The following SLC25A33 variants were observed in gnomAD, a reference collection of about 807,000 sequenced individuals.
SLC25A33 encodes the protein solute carrier family 25 member 33.
A neutral mutation model predicts 35.5 loss-of-function variants in SLC25A33; 15 were observed. That is an observed-to-expected ratio of 0.42 (90% CI 0.28 to 0.65). SLC25A33 has a LOEUF of 0.65. SLC25A33 is among the 30% of genes least tolerant of loss of function. The probability of loss-of-function intolerance (pLI) is 0.20; values close to 1 mark genes in which losing one functional copy is unlikely to be tolerated. For missense variants in SLC25A33, 257 were observed against 398.5 expected (o/e 0.64, Z 3.02); for synonymous variants, 136 against 148.7 (o/e 0.91, Z 0.62).
chr1:9,550,210 C>T (rs1643246948), intron 1 of SLC25A33, among the ~76,000 whole-genome samples: 1 of 141,368 alleles, frequency 7.1e-6, no homozygotes, highest in South Asian at 2.3e-4. Context: ...GCCTGGGTAA[C>T]AGAGGAAGAC....
At chr1:9,567,993 T>TG (rs1643535239) in intron 3 of SLC25A33, among the ~76,000 whole-genome samples, 1 of 152,224 alleles carries the variant, frequency 6.6e-6, no homozygotes, top group Admixed American at 6.5e-5. Flanking sequence ...AATCTCCACA[T>TG]GCAGCTAATG....
intron 2 of SLC25A33, among the ~76,000 whole-genome samples, chr1:9,559,571 C>T (rs1009612325): frequency 4.0e-5 from 6 of 151,354 alleles, no homozygotes; most frequent in Non-Finnish European, 7.4e-5. Context: ...TATCCTATTA[C>T]ATAATTCTCA....
chr1:9,556,111 C>T, intron 2 of SLC25A33: 1 of 805,420 alleles, frequency 1.2e-6, no homozygotes, highest in Non-Finnish European at 1.5e-6. Flanking sequence ...CAGGACAGAT[C>T]CGAGTCCATG....
Position 9,582,449 on chromosome 1 carries a change from T to A in SLC25A33, c.914T>A (p.Val305Glu). The change falls in exon 7 of 7, where the codon GTG becomes GAG. Residue 305 changes from valine (V) to glutamate (E), a missense_variant. Val to Glu is a moderately radical substitution (Grantham distance 121). Transcript: ENST00000302692. The surrounding 1 kb of genome is among the most constrained non-coding windows in gnomAD (Gnocchi z 4.0). Reference protein sequence around the residue: ...LIRQIPNTAIVLSTYELIVYL... With the variant: ...LIRQIPNTAIELSTYELIVYL... Reference sequence around the variant, plus strand: ...CGGCAGATCCCAAATACTGCCATTGTGTTGTCTACTTATGAGTTAATTGTG... The same window carrying A: ...CGGCAGATCCCAAATACTGCCATTGAGTTGTCTACTTATGAGTTAATTGTG... 7.4e-6 allele frequency: 12 copies of A among 1,613,954 alleles called. No individual in the cohort carries two copies. The highest frequency in any genetic ancestry group is 1.0e-5 in the Non-Finnish European group (12 of 1,179,862).
chr1:9,563,710 C>CA (rs1553146635), intron 2 of SLC25A33, among the ~76,000 whole-genome samples: 1 of 148,926 alleles, frequency 6.7e-6, no homozygotes, highest in Non-Finnish European at 1.5e-5. Context: ...ATTCTATTAA[C>CA]TTTTTTTTTT....
At chr1:9,574,658 G>A (rs1178888525) in intron 5 of SLC25A33, among the ~76,000 whole-genome samples, 3 of 152,290 alleles carry the variant, frequency 2.0e-5, no homozygotes, top group South Asian at 2.1e-4. Context: ...GGAACCCGGT[G>A]TAAAGAGTGT....
chr1:9,553,377 A>G (rs955637320), intron 1 of SLC25A33, among the ~76,000 whole-genome samples: 13 of 150,900 alleles, frequency 8.6e-5, no homozygotes, highest in Non-Finnish European at 3.0e-5. Context: ...GGCGCCTGCC[A>G]CCACGCCCAG....
chr1:9,572,581 G>A (rs1569871971), intron 4 of SLC25A33, among the ~76,000 whole-genome samples: 1 of 152,020 alleles, frequency 6.6e-6, no homozygotes, highest in South Asian at 2.1e-4. Context: ...TCGCGCCACT[G>A]CACTCCAGCC....
chr1:9,555,611 A>G (rs1205919247), intron 2 of SLC25A33, among the ~76,000 whole-genome samples: 6 of 152,172 alleles, frequency 3.9e-5, no homozygotes, highest in Non-Finnish European at 8.8e-5. Context: ...GACAAGTGAG[A>G]GCATCAGAAG....
Position 9,539,589 on chromosome 1 carries a change from C to G in SLC25A33, c.-103C>G. 1.1e-6 allele frequency: 1 copy of G among 948,764 alleles called. No homozygotes were observed. The allele number at this position is 948,764 out of a possible 1,614,324, so 58.8% of individuals were successfully genotyped here. On this transcript the variant is annotated 5_prime_UTR_variant, in exon 1 of 7. Transcript: ENST00000302692. The stretch of plus-strand genomic sequence containing the variant: ...CGCATGGAGGCGTTGCCGGCAGCCC[C>G]CTGAGGGCAGCGGGGAGACAAGACC...
At chr1:9,540,814 G>T (rs1643067904) in intron 1 of SLC25A33, among the ~76,000 whole-genome samples, 1 of 152,188 alleles carries the variant, frequency 6.6e-6, no homozygotes, top group Admixed American at 6.5e-5. Context: ...CTTGGAAGAT[G>T]ACTGATGAAA....
intron 2 of SLC25A33, among the ~76,000 whole-genome samples, chr1:9,558,464 T>C (rs1426901860): frequency 1.3e-5 from 2 of 151,398 alleles, no homozygotes; most frequent in African/African-American, 2.5e-5. Context: ...GCCTTTCTGC[T>C]CTGAGCCTCA....
chr1:9,570,680 TATAG>T (rs143146497), intron 4 of SLC25A33, among the ~76,000 whole-genome samples: 9 of 146,840 alleles, frequency 6.1e-5, no homozygotes, highest in African/African-American at 8.0e-5. Context: ...GATAGATAGA[TATAG>T]ATAGATAGAT....
In SLC25A33 at chr1:9,539,757, C is replaced by T. The variant is rs1056814037; in HGVS notation, c.56+10C>T. ...ACCTCTTCGCCGGCGGGTGAGTTCCCGGGCCCAGCCGCGCGCGCCCCACCG... is the reference window on the plus strand; with the variant it reads ...ACCTCTTCGCCGGCGGGTGAGTTCCTGGGCCCAGCCGCGCGCGCCCCACCG... On this transcript the variant is annotated intron_variant, in intron 1 of 6. Coordinates refer to ENST00000302692, the MANE Select transcript of SLC25A33 (RefSeq NM_032315.3). The T allele has an allele frequency of 2.2e-6, 3 of 1,375,624 alleles. No individual in the cohort carries two copies. Among genetic ancestry groups the T allele is most frequent in the Non-Finnish European group, 2.8e-6 (3 of 1,062,506 alleles). The allele number at this position is 1,375,624 out of a possible 1,614,324, so 85.2% of individuals were successfully genotyped here.
At chr1:9,552,160 G>T (rs1162544682) in intron 1 of SLC25A33, among the ~76,000 whole-genome samples, 1 of 152,162 alleles carries the variant, frequency 6.6e-6, no homozygotes, top group Non-Finnish European at 1.5e-5. Context: ...GAAAACACAG[G>T]ATTAACTGAT....
In SLC25A33 at chr1:9,553,548, G is replaced by A. The variant is rs543306000; in HGVS notation, c.57-78G>A. On this transcript the variant is annotated intron_variant, in intron 1 of 6. Coordinates refer to ENST00000302692, the MANE Select transcript of SLC25A33 (RefSeq NM_032315.3). ...GCGCCCGGCACGTTCTAGTTTTAAA[G>A]AGAGAAAAGCTAAGCTTAGCATTCC... 62 of 1,537,136 alleles carry A rather than the reference G, an allele frequency of 4.0e-5. No homozygotes were observed. In the South Asian group the frequency reaches 7.0e-4, roughly 17 times the overall value.
chr1:9,544,894 A>C (rs1035167344), intron 1 of SLC25A33, among the ~76,000 whole-genome samples: 1 of 152,232 alleles, frequency 6.6e-6, no homozygotes, highest in African/African-American at 2.4e-5. Flanking sequence ...TTTCCTTGAT[A>C]GTTTAAACTC....
intron 1 of SLC25A33, among the ~76,000 whole-genome samples, chr1:9,553,239 T>TTTTG (rs1643294625): frequency 7.0e-6 from 1 of 143,184 alleles, no homozygotes; most frequent in African/African-American, 2.7e-5. Flanking sequence ...GGTTTTTTTT[T>TTTTG]TGTTTGAGAC....
intron 5 of SLC25A33, chr1:9,576,486 G>T: frequency 2.1e-6 from 1 of 474,414 alleles, no homozygotes; most frequent in Non-Finnish European, 4.2e-6. Flanking sequence ...ACATTACCCT[G>T]AAGAGATGCA....
Sources: allele counts gnomAD v4.1 joint callset (sites outside exome capture counted in the v4.1 genomes callset), GRCh38; gene constraint gnomAD v4.1.1; non-coding constraint Gnocchi (gnomAD v3.1); transcripts MANE v1.5; gene names NCBI Gene and HGNC (gene_info 2026-07-23, HGNC 2026-07-21).